SPOCK3: variants seen among roughly 807,000 people sequenced by gnomAD.
The protein encoded by SPOCK3 is testican-3.
SPOCK3 carries 30 observed loss-of-function variants against 56.6 expected under a neutral mutation model. The observed-to-expected ratio is 0.53, with a 90% CI of 0.40 to 0.72. SPOCK3 has a LOEUF of 0.72. Among genes scored for constraint, SPOCK3 ranks in the 30% least tolerant of loss-of-function variants. The pLI, the probability that SPOCK3 is intolerant of heterozygous loss-of-function variation, is 0.00. For synonymous variants in SPOCK3, 196 were observed against 183.3 expected, an observed-to-expected ratio of 1.07 and a Z score of -0.56; for missense variants, 527 against 530.0, an observed-to-expected ratio of 0.99 and a Z score of 0.06.
intron 2 of SPOCK3, among the ~76,000 whole-genome samples, chr4:167,120,719 T>C (rs1261366957): frequency 6.6e-6 from 1 of 152,074 alleles, no homozygotes; most frequent in African/African-American, 2.4e-5. Context: ...AATATGACTT[T>C]ACATGATTAT....
intron 3 of SPOCK3, among the ~76,000 whole-genome samples, chr4:167,049,146 C>T (rs370893130): frequency 1.3e-4 from 20 of 150,832 alleles, no homozygotes; most frequent in East Asian, 5.8e-4. Context: ...CTCTTGTCAC[C>T]CAGGCTGGAG....
intron 2 of SPOCK3, among the ~76,000 whole-genome samples, chr4:167,170,733 T>C (rs1026353066): frequency 6.6e-6 from 1 of 152,128 alleles, no homozygotes; most frequent in Non-Finnish European, 1.5e-5. Flanking sequence ...GAAAACTTGA[T>C]AAAGAAAATA....
At chr4:166,958,459 G>T (rs113810959) in intron 4 of SPOCK3, among the ~76,000 whole-genome samples, 1,840 of 152,160 alleles carry the variant, frequency 0.012, 14 homozygotes, top group Non-Finnish European at 0.02. Flanking sequence ...CACTAATCTG[G>T]ACTAAGCCAT....
chr4:167,113,414 C>T (rs1484060130), intron 2 of SPOCK3, among the ~76,000 whole-genome samples: 1 of 150,588 alleles, frequency 6.6e-6, no homozygotes, highest in East Asian at 2.0e-4. Context: ...AGGTTTTGCT[C>T]TCAATTAAAC....
At chr4:166,763,189 A>C (rs893593435) in intron 7 of SPOCK3, among the ~76,000 whole-genome samples, 3 of 152,062 alleles carry the variant, frequency 2.0e-5, no homozygotes, top group African/African-American at 7.2e-5. Flanking sequence ...GAAATTCTGC[A>C]CAGAGGAACA....
chr4:167,062,377 T>C (rs1755692664), intron 3 of SPOCK3, 115 bp downstream of exon 3: 1 of 668,988 alleles, frequency 1.5e-6, no homozygotes, highest in South Asian at 3.2e-5. Context: ...TTTCCATTCA[T>C]GTAAGCTCTT....
intron 4 of SPOCK3, among the ~76,000 whole-genome samples, chr4:166,991,500 G>T (rs1747786333): frequency 6.6e-6 from 1 of 151,916 alleles, no homozygotes; most frequent in South Asian, 2.1e-4. Context: ...CTCCTGAGCA[G>T]CTGGGATTAC....
chr4:167,220,449 G>C, intron 2 of SPOCK3, among the ~76,000 whole-genome samples: 1 of 150,616 alleles, frequency 6.6e-6, no homozygotes, highest in Admixed American at 6.6e-5. Context: ...TGTGATCACG[G>C]CTCACTGCAG....
intron 6 of SPOCK3, among the ~76,000 whole-genome samples, chr4:166,887,736 C>T (rs1734348056): frequency 6.6e-6 from 1 of 151,746 alleles, no homozygotes; most frequent in Non-Finnish European, 1.5e-5. Flanking sequence ...AAGAACAGGG[C>T]TCCTGGGCAA....
intron 2 of SPOCK3, among the ~76,000 whole-genome samples, chr4:167,157,136 T>C (rs1317289255): frequency 1.3e-5 from 2 of 151,868 alleles, no homozygotes; most frequent in Non-Finnish European, 2.9e-5. Flanking sequence ...TAACAATCTA[T>C]GAAACAGATT....
chr4:167,211,571 G>A (rs1165727087), intron 2 of SPOCK3, among the ~76,000 whole-genome samples: 1 of 152,122 alleles, frequency 6.6e-6, no homozygotes, highest in African/African-American at 2.4e-5. Flanking sequence ...CTGTTCTCGT[G>A]ATAGTGTATA....
chr4:166,904,715 G>T (rs1736426272), intron 5 of SPOCK3, among the ~76,000 whole-genome samples: 1 of 151,928 alleles, frequency 6.6e-6, no homozygotes, highest in Non-Finnish European at 1.5e-5. Flanking sequence ...GAGAAGGGGA[G>T]AAAAATAGGG....
intron 6 of SPOCK3, among the ~76,000 whole-genome samples, chr4:166,809,100 A>G (rs1466256062): frequency 6.6e-6 from 1 of 152,098 alleles, no homozygotes; most frequent in Non-Finnish European, 1.5e-5. Context: ...AGACTCTGTC[A>G]TACTTCTCTC....
intron 2 of SPOCK3, among the ~76,000 whole-genome samples, chr4:167,175,956 A>G (rs915807773): frequency 1.3e-5 from 2 of 152,144 alleles, no homozygotes; most frequent in African/African-American, 4.8e-5. Flanking sequence ...GCAAATTAAT[A>G]TCATCTATTT....
At chr4:167,165,173 A>G (rs756998935) in intron 2 of SPOCK3, among the ~76,000 whole-genome samples, 1 of 152,150 alleles carries the variant, frequency 6.6e-6, no homozygotes, top group South Asian at 2.1e-4. Flanking sequence ...TGACTAAATC[A>G]CTAAAAACAA....
At position 166,847,682 on chromosome 4, in the gene SPOCK3, A is replaced by ATATATATATATATAT. The variant is rs1560926835; in HGVS notation, c.589+41447_589+41448insATATATATATATATA. Among the ~76,000 whole-genome samples the ATATATATATATATAT allele has an allele frequency of 9.9e-3, 268 of 27,176 alleles. 4 individuals are homozygous for ATATATATATATATAT. The highest frequency in any genetic ancestry group is 0.065 in the Middle Eastern group (3 of 46). The allele number at this position is 27,176 out of a possible 152,430, so 17.8% of individuals were successfully genotyped here. ...ATATATATATATATATATATATATA[A>ATATATATATATATAT]GAATCATGTTTACTTTTTTTTACAG... On this transcript the variant is annotated intron_variant, in intron 6 of 10. Transcript: ENST00000357545.
At chr4:166,930,999 T>C (rs868711718) in intron 4 of SPOCK3, among the ~76,000 whole-genome samples, 17 of 152,258 alleles carry the variant, frequency 1.1e-4, no homozygotes, top group Middle Eastern at 6.8e-3. Context: ...TTTTCCTTTT[T>C]TTTGACAGAG....
intron 5 of SPOCK3, among the ~76,000 whole-genome samples, chr4:166,896,286 C>T (rs898271885): frequency 1.3e-5 from 2 of 152,082 alleles, no homozygotes; most frequent in Non-Finnish European, 2.9e-5. Context: ...CAAGAAGAGA[C>T]AGAGCAAGAT....
At chr4:166,778,479 A>G (rs948456383) in intron 7 of SPOCK3, among the ~76,000 whole-genome samples, 1 of 152,174 alleles carries the variant, frequency 6.6e-6, no homozygotes, top group Non-Finnish European at 1.5e-5. Context: ...TTTTTAAAGT[A>G]CTGTAATACT....
Sources: gnomAD v4.1 joint callset for allele counts (sites outside exome capture counted in the v4.1 genomes callset) on GRCh38, gnomAD v4.1.1 for gene constraint, MANE v1.5 for transcripts, NCBI Gene and HGNC (gene_info 2026-07-23, HGNC 2026-07-21) for gene names.